ZNF34: variants seen among roughly 807,000 people sequenced by gnomAD.
ZNF34 encodes the protein zinc finger protein 34 (KOX 32).
Under a neutral mutation model 14.4 loss-of-function variants are expected in ZNF34, and 8 were observed. The observed-to-expected ratio is 0.55, with a 90% CI of 0.33 to 1.00. ZNF34 has a LOEUF of 1.00. ZNF34 is among the 50% of genes least tolerant of loss of function. The pLI, the probability that ZNF34 is intolerant of heterozygous loss-of-function variation, is 0.03. For synonymous variants in ZNF34, 235 were observed against 247.9 expected (o/e 0.95, Z 0.49); for missense variants, 538 against 674.2 (o/e 0.80, Z 2.24).
At chr8:144,775,566 AC>A in intron 5 of ZNF34, among the ~76,000 whole-genome samples, 1 of 152,316 alleles carries the variant, frequency 6.6e-6, no homozygotes, top group Middle Eastern at 3.4e-3. Context: ...TCCATGAAAC[AC>A]AAGCAGCTCT....
At chr8:144,774,630 A>C in intron 5 of ZNF34, 25 bp from the exon 6 acceptor site, 1 of 1,589,598 alleles carries the variant, frequency 6.3e-7, no homozygotes, top group Non-Finnish European at 8.6e-7. Flanking sequence ...AGAACATCTA[A>C]GGGTCACCTG....
At chr8:144,783,229 G>C (rs907944841) in intron 1 of ZNF34, among the ~76,000 whole-genome samples, 1 of 152,162 alleles carries the variant, frequency 6.6e-6, no homozygotes, top group African/African-American at 2.4e-5. Flanking sequence ...GTAGTTCTCA[G>C]AGTGTGGCTC....
chr8:144,784,256 G>A (rs1310439550), intron 1 of ZNF34, among the ~76,000 whole-genome samples: 1 of 151,728 alleles, frequency 6.6e-6, no homozygotes, highest in South Asian at 2.1e-4. Flanking sequence ...TTAGGCTATG[G>A]TAATGGAAAG....
chr8:144,778,677 T>C (rs992852322), intron 2 of ZNF34, among the ~76,000 whole-genome samples, 152 bp from the exon 3 acceptor site: 6 of 150,186 alleles, frequency 4.0e-5, no homozygotes, highest in Non-Finnish European at 5.9e-5. Flanking sequence ...CTCCCGGACA[T>C]AGACTCCACT....
chr8:144,778,700 C>A (rs1392084151), intron 2 of ZNF34, among the ~76,000 whole-genome samples, 175 bp from the exon 3 acceptor site: 1 of 152,030 alleles, frequency 6.6e-6, no homozygotes, highest in Admixed American at 6.6e-5. Flanking sequence ...TTGCCTGGGG[C>A]TGCCCTCTCC....
In ZNF34 at chr8:144,777,519, C is replaced by A. The variant is rs1825595174; in HGVS notation, c.219G>T (p.Glu73Asp). Reference protein sequence around the residue: ...GVISQLERGDEPWVLDVQGTS... With the variant: ...GVISQLERGDDPWVLDVQGTS... ...TGCCCTGAACATCCAGGACCCAGGG[C>A]TCATCCCCTCGCTCCAACTGCGAGA... Residue 73 changes from glutamate (E) to aspartate (D), a missense_variant, in exon 5 of 6, where the codon GAG becomes GAT. Physicochemically the swap from Glu to Asp is conservative, Grantham distance 45. Transcript: ENST00000429371. This position sits in a 1 kb window ranked among gnomAD's most constrained non-coding sequence, Gnocchi z 4.8. 3.2e-6 allele frequency: 5 copies of A among 1,554,228 alleles called. No individual in the cohort carries two copies.
At chr8:144,786,670 G>A (rs934188440) in intron 1 of ZNF34, among the ~76,000 whole-genome samples, 4 of 151,674 alleles carry the variant, frequency 2.6e-5, no homozygotes, top group Middle Eastern at 3.2e-3. Flanking sequence ...AGGAAGAGAA[G>A]AGAAAAGAAA....
intron 1 of ZNF34, among the ~76,000 whole-genome samples, chr8:144,782,842 C>CAAAAAAAAAAAAAAAAAAAAAAAAAAA (rs548252812): frequency 4.4e-5 from 1 of 22,976 alleles, no homozygotes; most frequent in Non-Finnish European, 6.4e-5. Context: ...AAGCCTATCT[C>CAAAAAAAAAAAAAAAAAAAAAAAAAAA]AAAAAAAAAA....
chr8:144,775,129 C>T, intron 5 of ZNF34, among the ~76,000 whole-genome samples: 1 of 152,256 alleles, frequency 6.6e-6, no homozygotes. Context: ...GGTGCAAGCA[C>T]CTCATGACTG....
chr8:144,785,623 A>G (rs1044726145), intron 1 of ZNF34: 1 of 152,242 alleles, frequency 6.6e-6, no homozygotes, highest in African/African-American at 2.4e-5. Flanking sequence ...AAAGTAAAAC[A>G]AGACTCTCCC....
At chr8:144,781,292 G>A (rs997270063) in intron 1 of ZNF34, among the ~76,000 whole-genome samples, 9 of 149,010 alleles carry the variant, frequency 6.0e-5, no homozygotes, top group South Asian at 4.2e-4. Flanking sequence ...TTTTTTAGAC[G>A]GAGTCTTACT....
intron 1 of ZNF34, among the ~76,000 whole-genome samples, chr8:144,785,783 C>CT (rs1826190159): frequency 6.6e-6 from 1 of 152,046 alleles, no homozygotes; most frequent in Admixed American, 6.6e-5. Context: ...GAAGTATGTA[C>CT]TTTATGGAGA....
chr8:144,775,883 A>G (rs1219197379), intron 5 of ZNF34, among the ~76,000 whole-genome samples: 2 of 152,260 alleles, frequency 1.3e-5, no homozygotes, highest in African/African-American at 4.8e-5. Context: ...CTCAGACACC[A>G]TCAGACACAT....
intron 1 of ZNF34, among the ~76,000 whole-genome samples, chr8:144,786,008 G>T (rs1427357516): frequency 7.5e-5 from 10 of 132,910 alleles, no homozygotes; most frequent in Non-Finnish European, 1.4e-4. Context: ...TTTTTGAGAC[G>T]GAGTCTTGCT....
intron 1 of ZNF34, among the ~76,000 whole-genome samples, chr8:144,783,940 G>A (rs1187656330): frequency 1.3e-5 from 2 of 152,194 alleles, no homozygotes; most frequent in African/African-American, 2.4e-5. Flanking sequence ...CAAGGCGGGA[G>A]GATCACGAGG....
At chr8:144,776,173 A>G (rs1302759340) in intron 5 of ZNF34, among the ~76,000 whole-genome samples, 2 of 152,106 alleles carry the variant, frequency 1.3e-5, no homozygotes, top group African/African-American at 4.8e-5. Flanking sequence ...TTAGCCAGGC[A>G]TGGTGGCGTG....
Position 144,777,842 on chromosome 8 carries a change from G to C in ZNF34, c.160+196C>G, listed in dbSNP as rs1012261060. 6.6e-6 allele frequency among the ~76,000 whole-genome samples: 1 copy of C among 152,142 alleles called. No individual in the cohort carries two copies. The highest frequency in any genetic ancestry group is 1.5e-5 in the Non-Finnish European group (1 of 67,992). ...CAGGGAGGGGTCTGCCTGGGACCTG[G>C]GGCGAGAGGGAAGGGAAGGGCTGAC... On this transcript the variant is annotated intron_variant, in intron 4 of 5. Transcript: ENST00000429371. This position sits in a 1 kb window ranked among gnomAD's most constrained non-coding sequence, Gnocchi z 4.8.
intron 1 of ZNF34, among the ~76,000 whole-genome samples, chr8:144,786,628 C>CT (rs964308259): frequency 1.7e-4 from 25 of 150,020 alleles, no homozygotes; most frequent in African/African-American, 5.2e-4. Flanking sequence ...AGCGAGACTC[C>CT]GTCTCAGAAA....
rs1825272793 is a variant in ZNF34 at position 144,773,271 on chromosome 8, TGGA to T, written c.1612_1614del (p.Ser538del). On this transcript the variant is annotated inframe_deletion, in exon 6 of 6. Coordinates refer to ENST00000429371, the MANE Select transcript of ZNF34 (RefSeq NM_001286769.2). The surrounding 1 kb of genome is among the most constrained non-coding windows in gnomAD (Gnocchi z 5.4). ...CCTCGGACACCGCGCCACTGTTACATGGAGAAGTCCTCCCGGAGGTGAATCCGC... is the reference window on the plus strand; with the variant it reads ...CCTCGGACACCGCGCCACTGTTACATGAAGTCCTCCCGGAGGTGAATCCGC... 1 of 1,603,910 alleles carries T rather than the reference TGGA, an allele frequency of 6.2e-7. No individual in the cohort carries two copies. The highest frequency in any genetic ancestry group is 2.2e-5 in the East Asian group (1 of 44,738).
Sources: gnomAD v4.1 joint callset for allele counts (sites outside exome capture counted in the v4.1 genomes callset) on GRCh38, gnomAD v4.1.1 for gene constraint, Gnocchi (gnomAD v3.1) non-coding constraint, MANE v1.5 for transcripts, NCBI Gene and HGNC (gene_info 2026-07-23, HGNC 2026-07-21) for gene names.